REDIC1: variants seen among roughly 807,000 people sequenced by gnomAD.
REDIC1 encodes regulator of DNA class I crossover intermediates 1, also known as HEI10 Interacting Protein 1.
chr12:39,895,567 C>CAT, the REDIC1 span, among the ~76,000 whole-genome samples: 1 of 127,214 alleles, frequency 7.9e-6, no homozygotes, highest in African/African-American at 3.0e-5. Context: ...CACACACACA[C>CAT]GTGTATATGT....
the REDIC1 span, among the ~76,000 whole-genome samples, chr12:39,863,580 A>G: frequency 6.6e-6 from 1 of 152,334 alleles, no homozygotes; most frequent in South Asian, 2.1e-4. Context: ...AAGAAAAAGA[A>G]AAGTAGAATA....
chr12:39,626,596 T>G, the REDIC1 span, among the ~76,000 whole-genome samples: 1 of 152,214 alleles, frequency 6.6e-6, no homozygotes, highest in Non-Finnish European at 1.5e-5. Flanking sequence ...GGGGCCACTG[T>G]GAGTAACCTT....
At chr12:39,840,729 T>G in the REDIC1 span, among the ~76,000 whole-genome samples, 2 of 152,224 alleles carry the variant, frequency 1.3e-5, no homozygotes, top group East Asian at 3.9e-4. Context: ...ATTATTATCA[T>G]GCATTCCATG....
At chr12:39,846,970 A>G in the REDIC1 span, among the ~76,000 whole-genome samples, 1 of 152,210 alleles carries the variant, frequency 6.6e-6, no homozygotes, top group Non-Finnish European at 1.5e-5. Flanking sequence ...TTGAACAAAC[A>G]CAACAAAAGG....
At chr12:39,768,775 T>C in the REDIC1 span, among the ~76,000 whole-genome samples, 4 of 152,034 alleles carry the variant, frequency 2.6e-5, no homozygotes, top group Admixed American at 6.6e-5. Context: ...TCTGAAATAA[T>C]GTGAGAATTA....
the REDIC1 span, among the ~76,000 whole-genome samples, chr12:39,844,953 T>A: frequency 6.6e-6 from 1 of 152,030 alleles, no homozygotes; most frequent in Non-Finnish European, 1.5e-5. Context: ...GTTTTTAATA[T>A]GGACTAATGG....
At chr12:39,713,943 C>T in the REDIC1 span, among the ~76,000 whole-genome samples, 2 of 146,566 alleles carry the variant, frequency 1.4e-5, no homozygotes, top group East Asian at 2.0e-4. Context: ...GTGCATATAC[C>T]TATATATACG....
the REDIC1 span, among the ~76,000 whole-genome samples, chr12:39,895,613 CAT>C: frequency 3.5e-5 from 4 of 113,224 alleles, 2 homozygotes; most frequent in Admixed American, 3.7e-4. Context: ...CGTATATACA[CAT>C]ATATACGTAC....
At chr12:39,691,924 C>T in the REDIC1 span, 3 of 790,312 alleles carry the variant, frequency 3.8e-6, no homozygotes, top group Middle Eastern at 7.7e-4. Context: ...AAAAATAAAC[C>T]ATGTTGAACT....
chr12:39,682,856 A>G, the REDIC1 span: 1 of 1,612,512 alleles, frequency 6.2e-7, no homozygotes, highest in African/African-American at 1.3e-5. Flanking sequence ...TTAAACATAG[A>G]TGAGCAAAGG....
the REDIC1 span, among the ~76,000 whole-genome samples, chr12:39,840,764 T>C: frequency 2.6e-5 from 4 of 152,160 alleles, no homozygotes; most frequent in African/African-American, 7.2e-5. Flanking sequence ...TCATGCTGTG[T>C]TTGCTTTCCC....
the REDIC1 span, among the ~76,000 whole-genome samples, chr12:39,712,375 T>C: frequency 7.3e-6 from 1 of 137,270 alleles, no homozygotes; most frequent in African/African-American, 2.7e-5. Flanking sequence ...CATATGTATA[T>C]ATACCTATAT....
At chr12:39,696,318 C>T in the REDIC1 span, among the ~76,000 whole-genome samples, 18 of 151,298 alleles carry the variant, frequency 1.2e-4, no homozygotes, top group Non-Finnish European at 2.1e-4. Flanking sequence ...CCGAGGCGGG[C>T]GGATCACGAG....
the REDIC1 span, among the ~76,000 whole-genome samples, chr12:39,709,641 G>A: frequency 1.3e-5 from 2 of 151,596 alleles, no homozygotes; most frequent in East Asian, 1.9e-4. Context: ...TGTCCTTAGG[G>A]TTCATCCACT....
chr12:39,686,526 G>T, the REDIC1 span, among the ~76,000 whole-genome samples: 1 of 152,130 alleles, frequency 6.6e-6, no homozygotes. Context: ...GAGCAGCAGG[G>T]CCCTGAGCCT....
chr12:39,779,089 G>A, the REDIC1 span, among the ~76,000 whole-genome samples: 1 of 152,174 alleles, frequency 6.6e-6, no homozygotes, highest in Non-Finnish European at 1.5e-5. Flanking sequence ...CTGGCCCCAA[G>A]GGCTGGCATA....
chr12:39,692,466 C>T, the REDIC1 span, among the ~76,000 whole-genome samples: 2 of 151,802 alleles, frequency 1.3e-5, no homozygotes, highest in Non-Finnish European at 2.9e-5. Flanking sequence ...TGTTATAACA[C>T]AGACTTTTTA....
chr12:39,822,326 A>C, the REDIC1 span, among the ~76,000 whole-genome samples: 1 of 152,200 alleles, frequency 6.6e-6, no homozygotes, highest in Non-Finnish European at 1.5e-5. Flanking sequence ...ATCCATGTCC[A>C]GGTATCACAT....
the REDIC1 span, among the ~76,000 whole-genome samples, chr12:39,785,079 G>C: frequency 2.6e-5 from 4 of 152,226 alleles, no homozygotes; most frequent in Non-Finnish European, 4.4e-5. Flanking sequence ...CAAGCCGGCT[G>C]CAGAAATTTG....
Sources: gnomAD v4.1 joint callset for allele counts (sites outside exome capture counted in the v4.1 genomes callset) on GRCh38, gnomAD v4.1.1 for gene constraint, MANE v1.5 for transcripts, NCBI Gene and HGNC (gene_info 2026-07-23, HGNC 2026-07-21) for gene names.